Variants in ADGRB1 observed in about 807,000 individuals in gnomAD.
ADGRB1 encodes adhesion G protein-coupled receptor B1, also known as brain-specific angiogenesis inhibitor 1.
ADGRB1 carries 36 observed loss-of-function variants against 175.7 expected under a neutral mutation model. That is an observed-to-expected ratio of 0.20 (90% CI 0.16 to 0.27). The LOEUF is 0.27. Ranked by LOEUF, ADGRB1 falls within the 10% of genes least tolerant of loss-of-function variation. ADGRB1 has a pLI of 1.00. For missense variants in ADGRB1, 1,731 were observed against 2,255.3 expected, an observed-to-expected ratio of 0.77 and a Z score of 4.71; for synonymous variants, 1,054 against 979.4, an observed-to-expected ratio of 1.08 and a Z score of -1.42.
At position 142,493,530 on chromosome 8, in the gene ADGRB1, T is replaced by C. The variant is rs1458144679; in HGVS notation, c.2675+2715T>C. ...GAGTGCTAAGGTCTTGGTGCCTGGG[T>C]CCAGGACTTCAGGACAGGAGGACAG... On this transcript the variant is annotated intron_variant, in intron 17 of 30. Transcript: ENST00000517894. The surrounding 1 kb of genome is among the most constrained non-coding windows in gnomAD (Gnocchi z 5.0). Among the ~76,000 whole-genome samples, 1 of 152,176 alleles carries C rather than the reference T, an allele frequency of 6.6e-6. No homozygotes were observed. Among genetic ancestry groups the C allele is most frequent in the African/African-American group, 2.4e-5 (1 of 41,446 alleles).
rs1437287744 is a variant in ADGRB1, at chr8:142,522,612, C to CCAA, written c.3176-26_3176-24dup. On this transcript the variant is annotated intron_variant, in intron 21 of 30. Transcript: ENST00000517894. ...AGGCTGGCTGGGGACTTGGGTGGGG[C>CCAA]CAACACCCTCTCTCTGCTCCTTCTC... 11 of 1,538,498 alleles carry CCAA rather than the reference C, an allele frequency of 7.1e-6. No individual in the cohort carries two copies. The South Asian group carries it at 1.3e-4, about 19-fold the overall frequency.
At chr8:142,501,909 T>G in intron 17 of ADGRB1, among the ~76,000 whole-genome samples, 2 of 23,660 alleles carry the variant, frequency 8.5e-5, no homozygotes, top group African/African-American at 1.7e-4. Context: ...GTGGTGGTGA[T>G]GGTGGTGGCG....
Position 142,477,026 on chromosome 8 carries a change from A to T in ADGRB1, c.1058-88A>T, listed in dbSNP as rs1841017644. The T allele has an allele frequency of 2.8e-6, 4 of 1,410,680 alleles. No homozygotes were observed. The East Asian group carries it at 1.0e-4, about 37-fold the overall frequency. 87.4% of individuals were successfully genotyped at this position (1,410,680 alleles called of 1,614,324 possible). A position where few individuals can be genotyped will look rare whatever the true frequency, so the allele number is the denominator to read the frequency against. On this transcript the variant is annotated intron_variant, in intron 4 of 30. Coordinates refer to ENST00000517894, the MANE Select transcript of ADGRB1 (RefSeq NM_001702.3). ...CCAGCCCCGCTGCCTGCTCCCCAGC[A>T]GGGCAGCCCTCCTGCTGCGGGGTCT...
chr8:142,452,857 C>A (rs1839437358), intron 1 of ADGRB1, among the ~76,000 whole-genome samples: 1 of 150,764 alleles, frequency 6.6e-6, no homozygotes, highest in Non-Finnish European at 1.5e-5. Flanking sequence ...CCCAGGCGGC[C>A]GGCGCGGGGC....
intron 12 of ADGRB1, among the ~76,000 whole-genome samples, chr8:142,484,344 G>A (rs1007207570): frequency 2.0e-5 from 3 of 152,234 alleles, no homozygotes; most frequent in African/African-American, 7.2e-5. Context: ...TGTTGGGGCA[G>A]TGGGCAGTGC....
Position 142,474,574 on chromosome 8 carries a change from C to A in ADGRB1, c.785-900C>A, listed in dbSNP as rs1444059336. 6.6e-6 allele frequency among the ~76,000 whole-genome samples: 1 copy of A among 152,194 alleles called. No individual in the cohort carries two copies. The highest frequency in any genetic ancestry group is 1.5e-5 in the Non-Finnish European group (1 of 68,030). ...GGCAGTGGCCCTCTCCTGCTTTGTG[C>A]TCCTCCATGGCTACCCAGTGCTCCA... is the stretch of plus-strand genomic sequence containing the variant. On this transcript the variant is annotated intron_variant, in intron 2 of 30. Transcript: ENST00000517894. This position sits in a 1 kb window ranked among gnomAD's most constrained non-coding sequence, Gnocchi z 5.8.
At chr8:142,481,848 T>A (rs1587306573) in intron 11 of ADGRB1, 137 bp downstream of exon 11, 2 of 758,570 alleles carry the variant, frequency 2.6e-6, no homozygotes, top group East Asian at 5.6e-5. Context: ...CTCTGACCTT[T>A]GTCACACATT....
chr8:142,459,290 G>A (rs576422168), intron 1 of ADGRB1, among the ~76,000 whole-genome samples: 11 of 152,298 alleles, frequency 7.2e-5, no homozygotes, highest in South Asian at 2.1e-4. Context: ...CCAACCCCCG[G>A]GGCTCCCAGG....
At chr8:142,495,330 T>G (rs1215309736) in intron 17 of ADGRB1, among the ~76,000 whole-genome samples, 1 of 151,870 alleles carries the variant, frequency 6.6e-6, no homozygotes, top group African/African-American at 2.4e-5. Flanking sequence ...GATGACAGCA[T>G]GCATGGAAGG....
At chr8:142,451,839 G>A (rs1839368997) in intron 1 of ADGRB1, among the ~76,000 whole-genome samples, 1 of 152,144 alleles carries the variant, frequency 6.6e-6, no homozygotes, top group South Asian at 2.1e-4. Flanking sequence ...ACTCGTCTGC[G>A]ACCCCGGCTG....
intron 16 of ADGRB1, 44 bp from the exon 17 acceptor site, chr8:142,490,728 G>C: frequency 6.4e-7 from 1 of 1,553,448 alleles, no homozygotes; most frequent in Admixed American, 1.9e-5. Flanking sequence ...GTGGGGGCTG[G>C]TCCTGGCTGC....
chr8:142,484,356 C>T (rs528383083), intron 12 of ADGRB1, among the ~76,000 whole-genome samples: 2 of 152,202 alleles, frequency 1.3e-5, no homozygotes, highest in South Asian at 4.1e-4. Context: ...GGGCAGTGCT[C>T]ACTCCCCCAG....
intron 1 of ADGRB1, among the ~76,000 whole-genome samples, chr8:142,453,529 G>T (rs1173565816): frequency 6.6e-6 from 1 of 152,204 alleles, no homozygotes; most frequent in Non-Finnish European, 1.5e-5. Context: ...CTGCAGCTGC[G>T]CCATCGGCAG....
Position 142,477,256 on chromosome 8 carries a change from C to T in ADGRB1, c.1200C>T (p.Cys400=). The change falls in exon 5 of 31, where the codon TGC becomes TGT. Residue 400 remains cysteine (C), a synonymous_variant. Transcript: ENST00000517894. ...CSGPLREQRL[C]NNSAVCPVHG... is the part of the protein sequence containing the mutation. ...GACCCCTGCGCGAGCAGCGGCTGTGCAACAACTCTGCCGTGTGCCCAGGTG... is the reference window on the plus strand; with the variant it reads ...GACCCCTGCGCGAGCAGCGGCTGTGTAACAACTCTGCCGTGTGCCCAGGTG... 6.3e-7 allele frequency: 1 copy of T among 1,582,006 alleles called. No homozygotes were observed. The highest frequency in any genetic ancestry group is 8.6e-7 in the Non-Finnish European group (1 of 1,165,056).
At chr8:142,524,095 C>A (rs1844028971) in intron 22 of ADGRB1, 143 bp from the exon 23 acceptor site, 1 of 856,400 alleles carries the variant, frequency 1.2e-6, no homozygotes, top group Non-Finnish European at 1.8e-6. Context: ...TGGGTGTGAC[C>A]TGCCCTGCAT....
intron 21 of ADGRB1, 86 bp downstream of exon 21, chr8:142,522,201 A>G: frequency 2.0e-6 from 3 of 1,529,650 alleles, no homozygotes; most frequent in Middle Eastern, 1.7e-4. Flanking sequence ...TCCTCTCCCC[A>G]TCCCCTGTGG....
At position 142,469,131 on chromosome 8, in the gene ADGRB1, G is replaced by T. The variant is rs560364035; in HGVS notation, c.784+4149G>T. On this transcript the variant is annotated intron_variant, in intron 2 of 30. Transcript: ENST00000517894. ...CAGTGAGCTCTGCTCAGAGCTGTGC[G>T]TGTGTGCATGTGTGTGCATGCGTGC... 2.8e-5 allele frequency among the ~76,000 whole-genome samples: 4 copies of T among 141,826 alleles called. No individual in the cohort carries two copies. In the Admixed American group the frequency reaches 2.9e-4, roughly 10 times the overall value. 93.0% of individuals were successfully genotyped at this position (141,826 alleles called of 152,430 possible).
At chr8:142,534,163 A>G (rs4394435) in intron 25 of ADGRB1, among the ~76,000 whole-genome samples, 50,994 of 152,224 alleles carry the variant, frequency 0.33, 9,160 homozygotes, top group East Asian at 0.72. Flanking sequence ...TGAGAGGTGC[A>G]GTCCCAGCTA....
chr8:142,464,188 C>T lies in ADGRB1; in HGVS notation c.-11C>T. 2 of 1,261,182 alleles carry T rather than the reference C, an allele frequency of 1.6e-6. No homozygotes were observed. The highest frequency in any genetic ancestry group is 9.9e-7 in the Non-Finnish European group (1 of 1,008,204). The allele number at this position is 1,261,182 out of a possible 1,614,324, so 78.1% of individuals were successfully genotyped here. On this transcript the variant is annotated 5_prime_UTR_variant, in exon 2 of 31. Transcript: ENST00000517894. Reference sequence around the variant, plus strand: ...CCAGCCCGCGGAACCCCGGCGGCCCCGCGAGCTAGGATGAGGGGCCAGGCC... The same window carrying T: ...CCAGCCCGCGGAACCCCGGCGGCCCTGCGAGCTAGGATGAGGGGCCAGGCC...
Sources: allele counts gnomAD v4.1 joint callset (sites outside exome capture counted in the v4.1 genomes callset), GRCh38; gene constraint gnomAD v4.1.1; non-coding constraint Gnocchi (gnomAD v3.1); transcripts MANE v1.5; gene names NCBI Gene and HGNC (gene_info 2026-07-23, HGNC 2026-07-21).